The following COL19A1 variants were observed in gnomAD, a reference collection of about 807,000 sequenced individuals.
COL19A1 encodes the protein collagen type XIX alpha 1 chain, also known as collagen alpha-1(XIX) chain.
In COL19A1, 159 loss-of-function variants were observed where a neutral mutation model predicts 190.2. The ratio of observed to expected loss-of-function variants is 0.84; its 90% confidence interval spans 0.73 to 0.95. The LOEUF (loss-of-function observed/expected upper bound fraction) is 0.95, where lower values mean the gene tolerates loss of function less well. Among genes scored for constraint, COL19A1 ranks in the 40% least tolerant of loss-of-function variants. The probability of loss-of-function intolerance (pLI) is 0.00; values close to 1 mark genes in which losing one functional copy is unlikely to be tolerated. For missense variants in COL19A1, 1,418 were observed against 1,431.9 expected (o/e 0.99, Z 0.16); for synonymous variants, 509 against 458.9 (o/e 1.11, Z -1.39).
intron 14 of COL19A1, 124 bp downstream of exon 14, chr6:70,036,063 A>C: frequency 2.3e-6 from 2 of 859,166 alleles, no homozygotes; most frequent in Non-Finnish European, 3.8e-6. Context: ...CTTCGAGTAC[A>C]TGTAGTCAAA....
intron 31 of COL19A1, among the ~76,000 whole-genome samples, chr6:70,152,106 G>A (rs1222809592): frequency 1.3e-5 from 2 of 151,798 alleles, no homozygotes; most frequent in East Asian, 3.9e-4. Context: ...GTAAGGGTAT[G>A]TATTTGCATG....
At chr6:70,199,530 G>T in intron 48 of COL19A1, 78 bp from the exon 49 acceptor site, 2 of 1,108,696 alleles carry the variant, frequency 1.8e-6, no homozygotes, top group Admixed American at 3.3e-5. Flanking sequence ...TTGTTTGTTT[G>T]ATTTCATGTA....
rs148271017 is a variant in COL19A1 at position 70,093,933 on chromosome 6, A to G, written c.1225-8236A>G. 1.2e-4 allele frequency among the ~76,000 whole-genome samples: 18 copies of G among 152,278 alleles called. No individual in the cohort carries two copies. In the East Asian group the frequency reaches 3.3e-3, roughly 28 times the overall value. On this transcript the variant is annotated intron_variant, in intron 15 of 50. Transcript: ENST00000620364. ...TGGAATGAAGTAATTTAAAAATGTTAAGATCCCAGCCTCAATAATGTTCAT... is the reference window on the plus strand; with the variant it reads ...TGGAATGAAGTAATTTAAAAATGTTGAGATCCCAGCCTCAATAATGTTCAT...
intron 14 of COL19A1, among the ~76,000 whole-genome samples, chr6:70,039,040 G>C (rs1779500175): frequency 6.6e-6 from 1 of 151,440 alleles, no homozygotes; most frequent in Non-Finnish European, 1.5e-5. Flanking sequence ...GCTGGAGACA[G>C]AGCAAGACTC....
chr6:69,867,447 C>T (rs1207252763), intron 1 of COL19A1: 2 of 153,092 alleles, frequency 1.3e-5, no homozygotes, highest in African/African-American at 2.4e-5. Context: ...CGGCCCCAGC[C>T]TCTGCCGCCT....
intron 9 of COL19A1, among the ~76,000 whole-genome samples, chr6:69,944,806 T>C (rs527870529): frequency 6.6e-6 from 1 of 152,158 alleles, no homozygotes; most frequent in Non-Finnish European, 1.5e-5. Context: ...TATTTAATTA[T>C]CTAGTTGTGA....
intron 4 of COL19A1, among the ~76,000 whole-genome samples, chr6:69,915,168 T>A (rs536084178): frequency 8.5e-5 from 13 of 152,196 alleles, no homozygotes; most frequent in African/African-American, 1.2e-4. Flanking sequence ...TGCTATACAA[T>A]GAAATTGCTA....
At chr6:70,100,563 C>A (rs1783568409) in intron 15 of COL19A1, among the ~76,000 whole-genome samples, 1 of 129,124 alleles carries the variant, frequency 7.7e-6, no homozygotes, top group Admixed American at 8.7e-5. Flanking sequence ...GAGACAGAGT[C>A]TCTGTCTCCC....
At chr6:70,128,017 G>GA (rs991863112) in intron 17 of COL19A1, among the ~76,000 whole-genome samples, 6 of 152,148 alleles carry the variant, frequency 3.9e-5, no homozygotes, top group Non-Finnish European at 8.8e-5. Flanking sequence ...AGATACATTA[G>GA]AAAAAACTGA....
At chr6:69,879,705 C>A in intron 2 of COL19A1, 47 bp downstream of exon 2, 1 of 1,526,164 alleles carries the variant, frequency 6.6e-7, no homozygotes, top group South Asian at 1.1e-5. Flanking sequence ...TATTTATAGC[C>A]TTTAAGTCAT....
chr6:70,021,882 T>C (rs1437543258), intron 11 of COL19A1, among the ~76,000 whole-genome samples: 1 of 152,194 alleles, frequency 6.6e-6, no homozygotes, highest in Non-Finnish European at 1.5e-5. Flanking sequence ...TCCTTACCCT[T>C]CCATTTTTAG....
At chr6:70,175,574 T>A (rs1765751816) in intron 41 of COL19A1, among the ~76,000 whole-genome samples, 1 of 152,128 alleles carries the variant, frequency 6.6e-6, no homozygotes, top group South Asian at 2.1e-4. Flanking sequence ...TTTCTGATAT[T>A]TCTGTTATAG....
At chr6:70,128,935 T>C (rs567313542) in intron 17 of COL19A1, among the ~76,000 whole-genome samples, 62 of 152,296 alleles carry the variant, frequency 4.1e-4, no homozygotes, top group African/African-American at 1.5e-3. Context: ...TTCTCCATGA[T>C]TACATTTTAA....
intron 4 of COL19A1, among the ~76,000 whole-genome samples, chr6:69,909,304 T>TAAGA (rs1770754333): frequency 6.6e-6 from 1 of 152,136 alleles, no homozygotes; most frequent in Admixed American, 6.5e-5. Flanking sequence ...GAAAGAGGTA[T>TAAGA]AAGATACGGT....
intron 11 of COL19A1, among the ~76,000 whole-genome samples, chr6:69,969,101 G>A (rs1379920339): frequency 2.0e-5 from 3 of 152,018 alleles, no homozygotes; most frequent in African/African-American, 4.8e-5. Flanking sequence ...ATGACTGCAG[G>A]AATTAAATGA....
chr6:69,909,301 G>T (rs1770753661), intron 4 of COL19A1, among the ~76,000 whole-genome samples: 1 of 152,058 alleles, frequency 6.6e-6, no homozygotes, highest in African/African-American at 2.4e-5. Flanking sequence ...GCAGAAAGAG[G>T]TATAAGATAC....
intron 14 of COL19A1, among the ~76,000 whole-genome samples, chr6:70,057,067 A>T (rs1780546916): frequency 6.6e-6 from 1 of 152,176 alleles, no homozygotes; most frequent in African/African-American, 2.4e-5. Flanking sequence ...CATGCTGCCC[A>T]TTGTTCCAAA....
intron 14 of COL19A1, among the ~76,000 whole-genome samples, chr6:70,063,581 C>T (rs1780979885): frequency 6.6e-6 from 1 of 152,156 alleles, no homozygotes; most frequent in East Asian, 1.9e-4. Context: ...ACTAGAGAAG[C>T]AAGAGCAAAC....
intron 48 of COL19A1, among the ~76,000 whole-genome samples, chr6:70,197,097 G>A (rs1208342344): frequency 6.6e-6 from 1 of 152,020 alleles, no homozygotes; most frequent in African/African-American, 2.4e-5. Flanking sequence ...TTTCGACATT[G>A]AAGGTATTTA....
Sources: gnomAD v4.1 joint callset for allele counts (sites outside exome capture counted in the v4.1 genomes callset) on GRCh38, gnomAD v4.1.1 for gene constraint, MANE v1.5 for transcripts, NCBI Gene and HGNC (gene_info 2026-07-23, HGNC 2026-07-21) for gene names.